ARFGAP3: variants seen among roughly 807,000 people sequenced by gnomAD.
ARFGAP3 encodes the protein ARF GTPase activating protein 3.
In ARFGAP3, 72 loss-of-function variants were observed where a neutral mutation model predicts 75.0. The ratio of observed to expected loss-of-function variants is 0.96; its 90% CI spans 0.79 to 1.17. The LOEUF (loss-of-function observed/expected upper bound fraction) is 1.17, where lower values mean the gene tolerates loss of function less well. ARFGAP3 is among the 50% of genes most tolerant of loss of function. The pLI is 0.00. For missense variants in ARFGAP3, 620 were observed against 626.6 expected (o/e 0.99, Z 0.11); for synonymous variants, 221 against 217.9 (o/e 1.01, Z -0.13).
At chr22:42,843,392 T>A (rs1044633689) in intron 2 of ARFGAP3, among the ~76,000 whole-genome samples, 1 of 152,206 alleles carries the variant, frequency 6.6e-6, no homozygotes, top group Non-Finnish European at 1.5e-5. Context: ...CCCTCCCTTG[T>A]CTCCATTATC....
intron 1 of ARFGAP3, among the ~76,000 whole-genome samples, chr22:42,855,970 G>A (rs1345948075): frequency 6.6e-6 from 1 of 152,146 alleles, no homozygotes; most frequent in Non-Finnish European, 1.5e-5. Context: ...GGGCTGGGTA[G>A]GTCAAGGCTG....
rs1225418746 is a variant in ARFGAP3, at chr22:42,807,164, C to A, written c.1321-1G>T. The A allele has an allele frequency of 6.2e-7, 1 of 1,607,868 alleles. No individual in the cohort carries two copies. The highest frequency in any genetic ancestry group is 8.5e-7 in the Non-Finnish European group (1 of 1,177,286). On this transcript the variant is annotated splice_acceptor_variant, in intron 13 of 15. Transcript: ENST00000263245. LOFTEE classifies it high-confidence loss of function. ...TCTCTAGGCGGGCCCTGGTCTCATA[C>A]TAGAGAAGACAAGGAAAAGGAAATG...
intron 11 of ARFGAP3, among the ~76,000 whole-genome samples, chr22:42,811,484 G>T (rs1415926415): frequency 6.6e-6 from 1 of 152,216 alleles, no homozygotes; most frequent in Non-Finnish European, 1.5e-5. Context: ...TGGGCCTAGA[G>T]AACTGACTCC....
Position 42,841,095 on chromosome 22 carries a change from T to C in ARFGAP3, c.189-79A>G. 9.8e-6 allele frequency: 15 copies of C among 1,538,440 alleles called. No homozygotes were observed. In the South Asian group the frequency reaches 1.7e-4, roughly 17 times the overall value. ...ATCAGTGAGCTTTTGAGAACAAGGTTTCCTTAGGCTTTAGGATCCTAAAGA... is the reference window on the plus strand; with the variant it reads ...ATCAGTGAGCTTTTGAGAACAAGGTCTCCTTAGGCTTTAGGATCCTAAAGA... On this transcript the variant is annotated intron_variant, in intron 2 of 15. Transcript: ENST00000263245.
chr22:42,823,841 G>C, intron 7 of ARFGAP3, 139 bp from the exon 8 acceptor site: 1 of 1,098,432 alleles, frequency 9.1e-7, no homozygotes, highest in African/African-American at 1.6e-5. Context: ...TCATCCAGAA[G>C]ACTCAAGTTG....
chr22:42,814,535 G>A (rs1925497078), intron 11 of ARFGAP3, among the ~76,000 whole-genome samples: 1 of 152,218 alleles, frequency 6.6e-6, no homozygotes, highest in Admixed American at 6.5e-5. Flanking sequence ...AGCAACAGTG[G>A]CTTCTGGGTC....
chr22:42,847,431 CA>C (rs1569172600), intron 2 of ARFGAP3, 82 bp downstream of exon 2: 9 of 1,272,662 alleles, frequency 7.1e-6, no homozygotes, highest in Non-Finnish European at 1.0e-5. Flanking sequence ...GACACTGTCT[CA>C]AAAAAAGAAA....
At chr22:42,801,975 G>A (rs191142869) in intron 14 of ARFGAP3, among the ~76,000 whole-genome samples, 1 of 152,322 alleles carries the variant, frequency 6.6e-6, no homozygotes, top group Admixed American at 6.5e-5. Flanking sequence ...AGCCACAACA[G>A]TGAATCACGA....
chr22:42,842,815 A>G (rs970614462), intron 2 of ARFGAP3, among the ~76,000 whole-genome samples: 1 of 152,076 alleles, frequency 6.6e-6, no homozygotes, highest in African/African-American at 2.4e-5. Context: ...AAGGTCATAA[A>G]AAGCGTTGCC....
chr22:42,798,532 T>C (rs1046054032), intron 15 of ARFGAP3, among the ~76,000 whole-genome samples: 2 of 152,058 alleles, frequency 1.3e-5, no homozygotes, highest in Non-Finnish European at 2.9e-5. Context: ...CTCAATAGAA[T>C]GTGGTTTTAG....
At chr22:42,846,768 A>G (rs1927039061) in intron 2 of ARFGAP3, among the ~76,000 whole-genome samples, 1 of 152,246 alleles carries the variant, frequency 6.6e-6, no homozygotes. Flanking sequence ...ACAGACCCAC[A>G]GCACCTGATT....
At chr22:42,856,859 G>A (rs13433595) in intron 1 of ARFGAP3, among the ~76,000 whole-genome samples, 7,794 of 151,442 alleles carry the variant, frequency 0.051, 346 homozygotes, top group African/African-American at 0.12. Context: ...TCGCCGGGGG[G>A]TGTGCCCGCG....
intron 14 of ARFGAP3, 152 bp from the exon 15 acceptor site, chr22:42,799,312 T>A: frequency 7.1e-7 from 1 of 1,399,106 alleles, no homozygotes; most frequent in East Asian, 2.5e-5. Context: ...AGACTCGGGC[T>A]GAAGTGGCAG....
At chr22:42,828,072 G>A (rs1422836730) in intron 6 of ARFGAP3, among the ~76,000 whole-genome samples, 5 of 151,816 alleles carry the variant, frequency 3.3e-5, no homozygotes, top group Non-Finnish European at 7.4e-5. Flanking sequence ...ATCACTTGAG[G>A]TCAGGAGTTT....
rs976685606 is a variant in ARFGAP3 at position 42,796,525 on chromosome 22, G to A, written c.*1063C>T. On this transcript the variant is annotated 3_prime_UTR_variant, in exon 16 of 16. Coordinates refer to ENST00000263245, the MANE Select transcript of ARFGAP3 (RefSeq NM_014570.5). ...GCTTTCAGGGAAAAATGTAGGCAAT[G>A]CCATCTGCTGCAAGTGTTTATTCTA... is the stretch of plus-strand genomic sequence containing the variant. The A allele has an allele frequency of 3.9e-5, 6 of 152,322 alleles. No individual in the cohort carries two copies. The highest frequency in any genetic ancestry group is 1.4e-4 in the African/African-American group (6 of 41,556). The allele number at this position is 152,322 out of a possible 1,614,324, so 9.4% of individuals were successfully genotyped here. A position where few individuals can be genotyped will look rare whatever the true frequency, so the allele number is the denominator to read the frequency against.
chr22:42,822,430 T>C (rs1351595289), intron 8 of ARFGAP3, 21 bp from the exon 9 acceptor site: 4 of 1,610,000 alleles, frequency 2.5e-6, no homozygotes, highest in African/African-American at 2.7e-5. Flanking sequence ...TATAAGACTA[T>C]AGTCTACACG....
At chr22:42,827,095 A>G in intron 6 of ARFGAP3, 96 bp from the exon 7 acceptor site, 1 of 1,371,430 alleles carries the variant, frequency 7.3e-7, no homozygotes, top group Non-Finnish European at 9.6e-7. Context: ...GCTACATCTT[A>G]TCCAATTTTG....
intron 1 of ARFGAP3, 163 bp from the exon 2 acceptor site, chr22:42,847,795 C>A: frequency 3.1e-6 from 1 of 323,416 alleles, no homozygotes; most frequent in Non-Finnish European, 4.3e-6. Flanking sequence ...TTAAAAGCCT[C>A]AAATTTCATG....
rs1927548968 is a variant in ARFGAP3 at position 42,857,229 on chromosome 22, G to A, written c.-47C>T. 1 of 1,491,840 alleles carries A rather than the reference G, an allele frequency of 6.7e-7. No individual in the cohort carries two copies. Among genetic ancestry groups the A allele is most frequent in the Non-Finnish European group, 9.0e-7 (1 of 1,116,678 alleles). The allele number at this position is 1,491,840 out of a possible 1,614,324, so 92.4% of individuals were successfully genotyped here. A position where few individuals can be genotyped will look rare whatever the true frequency, so the allele number is the denominator to read the frequency against. ...CAGCTGGCCCAGCCAACCGGTAAGA[G>A]TCGACGAAAAGCGGCTACCGCCTCA... On this transcript the variant is annotated 5_prime_UTR_variant, in exon 1 of 16. Transcript: ENST00000263245.
Sources: gnomAD v4.1 joint callset for allele counts (sites outside exome capture counted in the v4.1 genomes callset) on GRCh38, gnomAD v4.1.1 for gene constraint, MANE v1.5 for transcripts, NCBI Gene and HGNC (gene_info 2026-07-23, HGNC 2026-07-21) for gene names.